CTNNA3: variants seen among roughly 807,000 people sequenced by gnomAD.
CTNNA3 encodes the protein catenin alpha-3.
CTNNA3 carries 76 observed loss-of-function variants against 95.7 expected under a neutral mutation model. The ratio of observed to expected loss-of-function variants is 0.79; its 90% CI spans 0.66 to 0.96. The LOEUF is 0.96. CTNNA3 is among the 40% of genes least tolerant of loss of function. The pLI is 0.00. For missense variants in CTNNA3, 1,191 were observed against 1,089.8 expected (o/e 1.09, Z -1.31); for synonymous variants, 431 against 374.4 (o/e 1.15, Z -1.74).
intron 13 of CTNNA3, among the ~76,000 whole-genome samples, chr10:66,180,314 T>C (rs866748861): frequency 2.1e-4 from 32 of 152,178 alleles, no homozygotes; most frequent in Admixed American, 1.8e-3. Context: ...TAGGTTTTAG[T>C]GAATACAAAA....
chr10:66,856,514 AT>A (rs1233389226), intron 7 of CTNNA3, among the ~76,000 whole-genome samples: 1 of 151,872 alleles, frequency 6.6e-6, no homozygotes, highest in Non-Finnish European at 1.5e-5. Flanking sequence ...ACTCAACTAA[AT>A]TCTCATCAGC....
At chr10:67,673,497 T>C (rs1589556927) in intron 1 of CTNNA3, among the ~76,000 whole-genome samples, 1 of 151,816 alleles carries the variant, frequency 6.6e-6, no homozygotes, top group African/African-American at 2.4e-5. Flanking sequence ...GGCTGTGGGT[T>C]TGTCATAGAT....
At chr10:67,638,789 T>C (rs189062407) in intron 2 of CTNNA3, among the ~76,000 whole-genome samples, 6 of 152,074 alleles carry the variant, frequency 3.9e-5, no homozygotes, top group Non-Finnish European at 8.8e-5. Flanking sequence ...AAGGCAGAAA[T>C]AAAGATGTTC....
At chr10:67,581,437 G>T (rs547793837) in intron 3 of CTNNA3, among the ~76,000 whole-genome samples, 1 of 152,292 alleles carries the variant, frequency 6.6e-6, no homozygotes, top group East Asian at 1.9e-4. Flanking sequence ...TAAGCTTTTT[G>T]ATGTGCTGCT....
At chr10:66,498,772 A>G (rs1214467577) in intron 11 of CTNNA3, among the ~76,000 whole-genome samples, 1 of 152,152 alleles carries the variant, frequency 6.6e-6, no homozygotes, top group African/African-American at 2.4e-5. Context: ...TGCTATACCA[A>G]GGAGAAAATC....
chr10:67,678,235 G>A (rs1320608969), intron 1 of CTNNA3, among the ~76,000 whole-genome samples: 1 of 152,094 alleles, frequency 6.6e-6, no homozygotes. Context: ...TCTCTTCTGT[G>A]TTCTCAGTGA....
At chr10:67,650,242 C>T (rs1839837872) in intron 1 of CTNNA3, among the ~76,000 whole-genome samples, 2 of 152,168 alleles carry the variant, frequency 1.3e-5, no homozygotes, top group Admixed American at 6.5e-5. Context: ...ACACACTGGG[C>T]TTGGATGAAT....
chr10:66,575,719 A>G (rs1842984751), intron 10 of CTNNA3, among the ~76,000 whole-genome samples: 2 of 152,138 alleles, frequency 1.3e-5, no homozygotes, highest in African/African-American at 2.4e-5. Flanking sequence ...AGTCTTCATA[A>G]TAACTCTGAG....
intron 7 of CTNNA3, among the ~76,000 whole-genome samples, chr10:66,921,174 CAG>C (rs1050636369): frequency 1.3e-5 from 2 of 152,080 alleles, no homozygotes; most frequent in African/African-American, 4.8e-5. Flanking sequence ...TCTCTTGTAG[CAG>C]AGAGAGAGAA....
At chr10:67,651,642 C>G (rs1480059792) in intron 1 of CTNNA3, among the ~76,000 whole-genome samples, 1 of 152,134 alleles carries the variant, frequency 6.6e-6, no homozygotes, top group East Asian at 1.9e-4. Flanking sequence ...TTATTAAACA[C>G]TGTTGTGTGA....
chr10:66,745,028 G>T (rs1261621430), intron 9 of CTNNA3, among the ~76,000 whole-genome samples: 1 of 152,098 alleles, frequency 6.6e-6, no homozygotes, highest in East Asian at 1.9e-4. Flanking sequence ...CAAGACCGTG[G>T]GTTCATTATT....
intron 10 of CTNNA3, among the ~76,000 whole-genome samples, chr10:66,556,842 A>G (rs1842406518): frequency 6.6e-6 from 1 of 152,084 alleles, no homozygotes; most frequent in Non-Finnish European, 1.5e-5. Flanking sequence ...TTTTATACCA[A>G]AAATTTCTGA....
intron 17 of CTNNA3, among the ~76,000 whole-genome samples, chr10:65,965,165 C>T (rs1277938849): frequency 3.3e-5 from 5 of 152,106 alleles, no homozygotes; most frequent in Admixed American, 1.3e-4. Context: ...TATTCACTTT[C>T]GACTTGTGTT....
At chr10:66,087,337 C>T (rs750892280) in intron 14 of CTNNA3, among the ~76,000 whole-genome samples, 5 of 152,186 alleles carry the variant, frequency 3.3e-5, no homozygotes, top group East Asian at 1.9e-4. Flanking sequence ...AAACCCACTC[C>T]GTGTGTATGT....
chr10:66,708,512 A>G (rs369913551), intron 9 of CTNNA3, among the ~76,000 whole-genome samples: 7 of 151,942 alleles, frequency 4.6e-5, no homozygotes, highest in African/African-American at 1.5e-4. Flanking sequence ...TTTTGTCTCA[A>G]TTACCCCTTG....
At chr10:67,312,327 T>C (rs1840847654) in intron 5 of CTNNA3, among the ~76,000 whole-genome samples, 1 of 152,152 alleles carries the variant, frequency 6.6e-6, no homozygotes, top group East Asian at 1.9e-4. Context: ...TGCCTTGGCC[T>C]CCCAAAGTGC....
chr10:66,335,650 G>A (rs1385219256), intron 12 of CTNNA3, among the ~76,000 whole-genome samples: 1 of 152,124 alleles, frequency 6.6e-6, no homozygotes, highest in Admixed American at 6.5e-5. Flanking sequence ...ACTTTGGGGT[G>A]CCTCCCAGTT....
chr10:66,562,511 C>T (rs1842584195), intron 10 of CTNNA3, among the ~76,000 whole-genome samples: 2 of 151,990 alleles, frequency 1.3e-5, no homozygotes, highest in Admixed American at 6.6e-5. Flanking sequence ...GCCTATAATA[C>T]AATCATGTGA....
At chr10:66,608,660 A>G (rs1017992124) in intron 10 of CTNNA3, among the ~76,000 whole-genome samples, 1 of 152,148 alleles carries the variant, frequency 6.6e-6, no homozygotes, top group African/African-American at 2.4e-5. Flanking sequence ...GATCTTCAAA[A>G]AAAAACTGAC....
Sources: gnomAD v4.1 joint callset for allele counts (sites outside exome capture counted in the v4.1 genomes callset) on GRCh38, gnomAD v4.1.1 for gene constraint, MANE v1.5 for transcripts, NCBI Gene and HGNC (gene_info 2026-07-23, HGNC 2026-07-21) for gene names.